Variants in ASPSCR1 observed in about 807,000 individuals in gnomAD.
ASPSCR1 encodes ASPSCR1 tether for SLC2A4, UBX domain containing, also known as tether containing UBX domain for GLUT4.
Under a neutral mutation model 68.9 loss-of-function variants are expected in ASPSCR1, and 55 were observed. The observed-to-expected ratio is 0.80, with a 90% CI of 0.64 to 1.00. ASPSCR1 has a LOEUF of 1.00. Ranked by LOEUF, ASPSCR1 falls within the 50% of genes least tolerant of loss-of-function variation. The pLI, the probability that ASPSCR1 is intolerant of heterozygous loss-of-function variation, is 0.00. For synonymous variants in ASPSCR1, 352 were observed against 332.6 expected, an observed-to-expected ratio of 1.06 and a Z score of -0.63; for missense variants, 765 against 762.2, an observed-to-expected ratio of 1.00 and a Z score of -0.04.
Position 81,977,826 on chromosome 17 carries a change from T to C in ASPSCR1, c.102+78T>C, listed in dbSNP as rs1307727042. On this transcript the variant is annotated intron_variant, in intron 1 of 15. Coordinates refer to ENST00000306739, the MANE Select transcript of ASPSCR1 (RefSeq NM_024083.4). The surrounding 1 kb of genome is among the most constrained non-coding windows in gnomAD (Gnocchi z 5.0). ...GAGGCCCCGCCCATTGCGGTCGGCG[T>C]CCCGGTGTTCGGGGGCGGGGCCTCG... is the stretch of plus-strand genomic sequence containing the variant. The C allele has an allele frequency of 4.6e-6, 5 of 1,094,464 alleles. No homozygotes were observed. The highest frequency in any genetic ancestry group is 3.4e-6 in the Non-Finnish European group (3 of 874,858). The allele number at this position is 1,094,464 out of a possible 1,614,324, so 67.8% of individuals were successfully genotyped here. A position where few individuals can be genotyped will look rare whatever the true frequency, so the allele number is the denominator to read the frequency against.
intron 7 of ASPSCR1, chr17:82,006,688 C>T (rs2042732838): frequency 6.6e-6 from 1 of 152,268 alleles, no homozygotes; most frequent in Non-Finnish European, 1.5e-5. Flanking sequence ...GGGAATTCCC[C>T]CAGGGGCCAG....
intron 4 of ASPSCR1, 150 bp downstream of exon 4, chr17:81,985,757 G>A (rs2041974937): frequency 2.8e-6 from 2 of 717,892 alleles, no homozygotes; most frequent in East Asian, 5.5e-5. Context: ...GAGGAGGGGT[G>A]TGTGGGCTGC....
At chr17:81,979,307 C>T in intron 2 of ASPSCR1, 68 bp downstream of exon 2, 1 of 1,544,520 alleles carries the variant, frequency 6.5e-7, no homozygotes, top group Non-Finnish European at 8.9e-7. Context: ...AACATACTGG[C>T]TCTCACTTGG....
chr17:82,003,731 C>T (rs1042300396), intron 7 of ASPSCR1, among the ~76,000 whole-genome samples: 1 of 152,252 alleles, frequency 6.6e-6, no homozygotes, highest in Non-Finnish European at 1.5e-5. Flanking sequence ...TGCCTGTCCA[C>T]GCCGGTCGCA....
rs2041850556 is a variant in ASPSCR1 at position 81,983,190 on chromosome 17, T to G, written c.159-364T>G. On this transcript the variant is annotated intron_variant, in intron 2 of 15. Transcript: ENST00000306739. This position sits in a 1 kb window ranked among gnomAD's most constrained non-coding sequence, Gnocchi z 4.4. ...CTCCAGCCGTGACGGCCGGGGTCTGTGACACTCCAGCTTCCGCGAGTGCAG... is the reference window on the plus strand; with the variant it reads ...CTCCAGCCGTGACGGCCGGGGTCTGGGACACTCCAGCTTCCGCGAGTGCAG... 6.6e-6 allele frequency among the ~76,000 whole-genome samples: 1 copy of G among 152,196 alleles called. No individual in the cohort carries two copies. Among genetic ancestry groups the G allele is most frequent in the East Asian group, 1.9e-4 (1 of 5,192 alleles).
intron 10 of ASPSCR1, among the ~76,000 whole-genome samples, chr17:82,011,289 AGGCTGG>A (rs1454781688): frequency 2.0e-4 from 3 of 14,914 alleles, no homozygotes; most frequent in Non-Finnish European, 3.8e-4. Context: ...GGAAGCGCTT[AGGCTGG>A]GGCGGGGGTG....
Position 81,990,895 on chromosome 17 carries a change from C to T in ASPSCR1, c.375-3926C>T, listed in dbSNP as rs545926724. Among the ~76,000 whole-genome samples the T allele has an allele frequency of 2.0e-5, 3 of 152,258 alleles. No individual in the cohort carries two copies. In the East Asian group the frequency reaches 5.8e-4, roughly 29 times the overall value. ...TACTGTGACTCGGGGGATACTGTAG[C>T]ACGTCTGGGCAGTCCACGAGGGCAG... is the stretch of plus-strand genomic sequence containing the variant. On this transcript the variant is annotated intron_variant, in intron 4 of 15. Coordinates refer to ENST00000306739, the MANE Select transcript of ASPSCR1 (RefSeq NM_024083.4). The surrounding 1 kb of genome is among the most constrained non-coding windows in gnomAD (Gnocchi z 4.1).
intron 2 of ASPSCR1, among the ~76,000 whole-genome samples, chr17:81,981,720 G>A (rs558023525): frequency 1.3e-5 from 2 of 152,322 alleles, no homozygotes; most frequent in African/African-American, 4.8e-5. Flanking sequence ...CTAGGCTGGA[G>A]GGCAGTGGCA....
chr17:81,988,325 A>G (rs971299747), intron 4 of ASPSCR1, among the ~76,000 whole-genome samples: 6 of 151,300 alleles, frequency 4.0e-5, no homozygotes, highest in African/African-American at 9.7e-5. Flanking sequence ...GCTGGGCGCA[A>G]TGGCTCATGC....
At chr17:82,012,362 GGAA>G in intron 12 of ASPSCR1, 79 bp downstream of exon 12, 4 of 1,497,418 alleles carry the variant, frequency 2.7e-6, no homozygotes, top group Non-Finnish European at 3.7e-6. Flanking sequence ...GCCTCGGGCA[GGAA>G]GGAGGGGCCT....
chr17:82,002,179 C>G (rs1192617008), intron 7 of ASPSCR1, among the ~76,000 whole-genome samples: 1 of 150,900 alleles, frequency 6.6e-6, no homozygotes, highest in East Asian at 2.0e-4. Context: ...AAGTATTTTT[C>G]TTTTTAAAAT....
chr17:81,993,923 C>A (rs890533977), intron 4 of ASPSCR1, among the ~76,000 whole-genome samples: 1 of 152,216 alleles, frequency 6.6e-6, no homozygotes, highest in Non-Finnish European at 1.5e-5. Context: ...GGCCATCTGC[C>A]CCCTCCTCTC....
chr17:82,002,101 A>G (rs1223076701), intron 7 of ASPSCR1, among the ~76,000 whole-genome samples: 4 of 131,002 alleles, frequency 3.1e-5, no homozygotes, highest in Admixed American at 9.5e-5. Flanking sequence ...ATGACCTTCC[A>G]TCTCAGCCTC....
Position 81,983,523 on chromosome 17 carries a change from G to T in ASPSCR1, c.159-31G>T. On this transcript the variant is annotated intron_variant, in intron 2 of 15. Coordinates refer to ENST00000306739, the MANE Select transcript of ASPSCR1 (RefSeq NM_024083.4). The surrounding 1 kb of genome is among the most constrained non-coding windows in gnomAD (Gnocchi z 4.4). ...TGGCAGGGCGTGTCAGGCTCTGCAG[G>T]GCAGCAAGTGTGCTCTGGTCTGTCT... The T allele has an allele frequency of 1.3e-6, 2 of 1,560,324 alleles. No homozygotes were observed. Among genetic ancestry groups the T allele is most frequent in the Admixed American group, 3.5e-5 (2 of 57,210 alleles).
At chr17:82,017,146 G>A (rs759228146) in intron 15 of ASPSCR1, 33 bp downstream of exon 15, 3 of 1,568,850 alleles carry the variant, frequency 1.9e-6, no homozygotes, top group South Asian at 2.3e-5. Context: ...GGGGTGCTGT[G>A]GCCGGGTGGA....
chr17:82,011,822 C>T (rs1246551198), intron 11 of ASPSCR1, among the ~76,000 whole-genome samples: 6 of 152,096 alleles, frequency 3.9e-5, no homozygotes, highest in Non-Finnish European at 8.8e-5. Context: ...GGCTTCCTGC[C>T]TTCTCTCTCA....
chr17:82,001,596 G>A (rs1465854837), intron 7 of ASPSCR1, among the ~76,000 whole-genome samples: 1 of 152,186 alleles, frequency 6.6e-6, no homozygotes, highest in African/African-American at 2.4e-5. Context: ...GGGGTAGGGG[G>A]TGGATGCTCG....
At chr17:82,010,520 C>T (rs1334093432) in intron 9 of ASPSCR1, among the ~76,000 whole-genome samples, 30 of 140,804 alleles carry the variant, frequency 2.1e-4, no homozygotes, top group Admixed American at 2.9e-4. Flanking sequence ...CAGAGTGAGA[C>T]TCCATCTCAA....
At chr17:81,978,934 G>C in intron 1 of ASPSCR1, 3 of 575,552 alleles carry the variant, frequency 5.2e-6, no homozygotes, top group Non-Finnish European at 9.4e-6. Context: ...CTGTACTGCA[G>C]GGGAACTCTG....
Sources: allele counts gnomAD v4.1 joint callset (sites outside exome capture counted in the v4.1 genomes callset), GRCh38; gene constraint gnomAD v4.1.1; non-coding constraint Gnocchi (gnomAD v3.1); transcripts MANE v1.5; gene names NCBI Gene and HGNC (gene_info 2026-07-23, HGNC 2026-07-21).